RAPGEF5: variants seen among roughly 807,000 people sequenced by gnomAD.
The protein encoded by RAPGEF5 is Rap guanine nucleotide exchange factor 5, also known as M-Ras-regulated GEF.
In RAPGEF5, 65 loss-of-function variants were observed where a neutral mutation model predicts 125.2. The observed-to-expected ratio is 0.52, with a 90% CI of 0.43 to 0.64. The LOEUF is 0.64. Among genes scored for constraint, RAPGEF5 ranks in the 30% least tolerant of loss-of-function variants. The pLI is 0.00. For synonymous variants in RAPGEF5, 391 were observed against 385.9 expected, an observed-to-expected ratio of 1.01 and a Z score of -0.16; for missense variants, 958 against 1,048.1, an observed-to-expected ratio of 0.91 and a Z score of 1.19.
chr7:22,170,173 GCCTCCCAA>G, intron 11 of RAPGEF5, among the ~76,000 whole-genome samples: 1 of 152,138 alleles, frequency 6.6e-6, no homozygotes, highest in Non-Finnish European at 1.5e-5. Flanking sequence ...TTGTGCCTCA[GCCTCCCAA>G]GTAGCTGGGA....
chr7:22,334,940 T>C (rs1462231959), intron 1 of RAPGEF5, among the ~76,000 whole-genome samples: 2 of 152,214 alleles, frequency 1.3e-5, no homozygotes, highest in Admixed American at 1.3e-4. Context: ...CCAACCTGCA[T>C]CTCAACATCC....
At chr7:22,181,850 T>A (rs1322591162) in intron 11 of RAPGEF5, among the ~76,000 whole-genome samples, 1 of 152,140 alleles carries the variant, frequency 6.6e-6, no homozygotes, top group Admixed American at 6.6e-5. Context: ...AAGGTTATAG[T>A]GCCAAAAGGC....
At chr7:22,281,819 A>G (rs1218139968) in intron 6 of RAPGEF5, among the ~76,000 whole-genome samples, 1 of 152,160 alleles carries the variant, frequency 6.6e-6, no homozygotes, top group Non-Finnish European at 1.5e-5. Context: ...AGCACATTCC[A>G]ATCCTCTCAG....
rs1784187661 is a variant in RAPGEF5 at position 22,166,970 on chromosome 7, A to C, written c.1283+100T>G. On this transcript the variant is annotated intron_variant, in intron 12 of 25. Transcript: ENST00000665637. ...TTAATATTTAACATATCCACATTCTACTATGGGGTTGAATAAATTAAGGAA... is the reference window on the plus strand; with the variant it reads ...TTAATATTTAACATATCCACATTCTCCTATGGGGTTGAATAAATTAAGGAA... The C allele has an allele frequency of 3.0e-5, 28 of 925,032 alleles. No individual in the cohort carries two copies. In the South Asian group the frequency reaches 4.0e-4, roughly 13 times the overall value. 57.3% of individuals were successfully genotyped at this position (925,032 alleles called of 1,614,324 possible).
intron 13 of RAPGEF5, 124 bp from the exon 14 acceptor site, chr7:22,160,739 C>T: frequency 8.5e-7 from 1 of 1,176,306 alleles, no homozygotes; most frequent in East Asian, 3.2e-5. Context: ...ACGGGTTTCA[C>T]CAGGTGCCAA....
At chr7:22,224,165 T>A (rs1467337594) in intron 8 of RAPGEF5, among the ~76,000 whole-genome samples, 1 of 152,180 alleles carries the variant, frequency 6.6e-6, no homozygotes, top group Non-Finnish European at 1.5e-5. Flanking sequence ...TATTTTTAGA[T>A]CCTTTTATGC....
At chr7:22,200,189 A>G (rs899115199) in intron 9 of RAPGEF5, among the ~76,000 whole-genome samples, 19 of 152,312 alleles carry the variant, frequency 1.2e-4, no homozygotes, top group African/African-American at 4.3e-4. Flanking sequence ...CAGCAGAATT[A>G]TAAGACTTAT....
At chr7:22,197,029 C>T (rs1456844089) in intron 9 of RAPGEF5, among the ~76,000 whole-genome samples, 1 of 152,044 alleles carries the variant, frequency 6.6e-6, no homozygotes, top group Admixed American at 6.5e-5. Context: ...GGGGAACCTA[C>T]GTACAGAGAG....
intron 11 of RAPGEF5, among the ~76,000 whole-genome samples, chr7:22,186,001 T>C (rs181027929): frequency 1.3e-5 from 2 of 152,282 alleles, no homozygotes; most frequent in Admixed American, 1.3e-4. Flanking sequence ...AATTTTTGTA[T>C]TTTTAGTAGA....
chr7:22,285,146 G>A (rs774367297), intron 6 of RAPGEF5, among the ~76,000 whole-genome samples: 16 of 152,138 alleles, frequency 1.1e-4, no homozygotes, highest in Admixed American at 5.2e-4. Context: ...ACCGGGAGCC[G>A]CGGCTCACAG....
chr7:22,122,420 C>G lies in RAPGEF5; in HGVS notation c.2638G>C (p.Glu880Gln). The G allele has an allele frequency of 6.2e-7, 1 of 1,613,284 alleles. No homozygotes were observed. The highest frequency in any genetic ancestry group is 1.1e-5 in the South Asian group (1 of 91,036). ...QALFELSHRI[E>Q]PRV ...GGCAGTGGGGCTCACACCCGAGGCT[C>G]GATCCTGTGTGAGAGCTCAAACAGA... The change falls in exon 26 of 26, where the codon GAG (glutamate) becomes CAG (glutamine). Residue 880 changes from glutamate (E) to glutamine (Q), a missense_variant. Coordinates refer to ENST00000665637, the MANE Select transcript of RAPGEF5 (RefSeq NM_012294.5).
chr7:22,243,929 C>T (rs1268036987), intron 7 of RAPGEF5, among the ~76,000 whole-genome samples: 1 of 152,170 alleles, frequency 6.6e-6, no homozygotes, highest in Non-Finnish European at 1.5e-5. Context: ...CTCCCCAGTC[C>T]TCTCCTACTG....
intron 18 of RAPGEF5, 87 bp downstream of exon 18, chr7:22,150,320 G>T: frequency 1.5e-6 from 2 of 1,343,404 alleles, no homozygotes; most frequent in South Asian, 1.4e-5. Context: ...CCATCTTCCT[G>T]CCTTGGCCTC....
At chr7:22,192,049 T>C (rs1256253669) in intron 11 of RAPGEF5, 2 of 163,512 alleles carry the variant, frequency 1.2e-5, no homozygotes, top group Admixed American at 5.9e-5. Flanking sequence ...TGGTAATCAG[T>C]AGACTGAAAA....
chr7:22,234,573 T>C (rs1317321017), intron 7 of RAPGEF5, among the ~76,000 whole-genome samples: 2 of 152,226 alleles, frequency 1.3e-5, no homozygotes, highest in African/African-American at 4.8e-5. Context: ...ATCTAAAGCA[T>C]ATGCTTTGAG....
intron 7 of RAPGEF5, among the ~76,000 whole-genome samples, chr7:22,257,117 C>T (rs1038325135): frequency 6.6e-5 from 10 of 152,088 alleles, no homozygotes; most frequent in Admixed American, 3.9e-4. Flanking sequence ...GACAGAAATC[C>T]GGCAGGACCA....
intron 5 of RAPGEF5, among the ~76,000 whole-genome samples, chr7:22,297,265 T>C (rs1464814952): frequency 6.6e-6 from 1 of 152,104 alleles, no homozygotes; most frequent in Non-Finnish European, 1.5e-5. Context: ...CAGTGCACAA[T>C]GTGAGGAAAC....
At chr7:22,229,972 T>C (rs922911795) in intron 8 of RAPGEF5, among the ~76,000 whole-genome samples, 13 of 152,204 alleles carry the variant, frequency 8.5e-5, no homozygotes, top group African/African-American at 3.1e-4. Flanking sequence ...CACAAAATCC[T>C]GAACAGTAAG....
intron 9 of RAPGEF5, 93 bp from the exon 10 acceptor site, chr7:22,194,126 T>C: frequency 9.1e-7 from 1 of 1,102,508 alleles, no homozygotes; most frequent in Non-Finnish European, 1.3e-6. Context: ...AAGCTGTATT[T>C]TCTAGAGTTG....
Sources: gnomAD v4.1 joint callset for allele counts (sites outside exome capture counted in the v4.1 genomes callset) on GRCh38, gnomAD v4.1.1 for gene constraint, MANE v1.5 for transcripts, NCBI Gene and HGNC (gene_info 2026-07-23, HGNC 2026-07-21) for gene names.